The following LRRTM4 variants were observed in gnomAD, a reference collection of about 807,000 sequenced individuals.
The protein encoded by LRRTM4 is leucine-rich repeat transmembrane neuronal protein 4.
In LRRTM4, 25 loss-of-function variants were observed where a neutral mutation model predicts 47.6. The observed-to-expected ratio is 0.53, with a 90% CI of 0.38 to 0.73. The LOEUF (loss-of-function observed/expected upper bound fraction) is 0.73, where lower values mean the gene tolerates loss of function less well. Among genes scored for constraint, LRRTM4 ranks in the 30% least tolerant of loss-of-function variants. LRRTM4 has a pLI of 0.00. For missense variants in LRRTM4, 638 were observed against 713.4 expected (o/e 0.89, Z 1.20); for synonymous variants, 311 against 269.5 (o/e 1.15, Z -1.51).
At chr2:77,149,075 T>A (rs1447524651) in intron 3 of LRRTM4, among the ~76,000 whole-genome samples, 1 of 152,130 alleles carries the variant, frequency 6.6e-6, no homozygotes, top group African/African-American at 2.4e-5. Flanking sequence ...ATGCCAAGAA[T>A]CAAGACCTGT....
In LRRTM4 at chr2:77,360,058, T is replaced by G. The variant is rs116710910; in HGVS notation, c.1551+158260A>C. Among the ~76,000 whole-genome samples the G allele has an allele frequency of 5.0e-3, 762 of 152,292 alleles. 7 individuals are homozygous for G. Among genetic ancestry groups the G allele is most frequent in the African/African-American group, 0.017 (693 of 41,562 alleles). On this transcript the variant is annotated intron_variant, in intron 3 of 3. Coordinates refer to ENST00000409884, the MANE Select transcript of LRRTM4 (RefSeq NM_001134745.3). ...TATTTGAGCAAGAGAAATCTTATGTTTTTTAGATAAGTATATGATAACTCA... is the reference window on the plus strand; with the variant it reads ...TATTTGAGCAAGAGAAATCTTATGTGTTTTAGATAAGTATATGATAACTCA...
chr2:76,989,078 T>A (rs564449834), intron 3 of LRRTM4, among the ~76,000 whole-genome samples: 1 of 151,932 alleles, frequency 6.6e-6, no homozygotes, highest in African/African-American at 2.4e-5. Context: ...CTCAAATAGT[T>A]ATTTTAGGCA....
At chr2:77,155,842 G>T (rs1223364390) in intron 3 of LRRTM4, among the ~76,000 whole-genome samples, 2 of 152,024 alleles carry the variant, frequency 1.3e-5, no homozygotes, top group East Asian at 3.9e-4. Context: ...AGTGACTATG[G>T]TTAACAGTAA....
intron 3 of LRRTM4, among the ~76,000 whole-genome samples, chr2:77,099,655 A>G (rs1670900335): frequency 6.6e-6 from 1 of 151,712 alleles, no homozygotes; most frequent in Admixed American, 6.6e-5. Flanking sequence ...TGGATGAGAA[A>G]CAATTTATAC....
At chr2:77,410,341 T>C (rs907360783) in intron 3 of LRRTM4, among the ~76,000 whole-genome samples, 2 of 152,162 alleles carry the variant, frequency 1.3e-5, no homozygotes, top group Non-Finnish European at 2.9e-5. Context: ...TTAAGGTCTA[T>C]TTTAAAGACC....
intron 3 of LRRTM4, among the ~76,000 whole-genome samples, chr2:77,509,161 G>A (rs1010789302): frequency 6.6e-6 from 1 of 151,364 alleles, no homozygotes; most frequent in Admixed American, 6.6e-5. Context: ...GAACCCGGGA[G>A]GTGGAGGTTG....
At chr2:77,289,010 T>G (rs56776892) in intron 3 of LRRTM4, among the ~76,000 whole-genome samples, 1,599 of 152,224 alleles carry the variant, frequency 0.011, 48 homozygotes, top group East Asian at 0.099. Flanking sequence ...TGAAAAAGAA[T>G]AGTTGTTTGC....
At chr2:76,758,079 A>G (rs766627175) in intron 3 of LRRTM4, among the ~76,000 whole-genome samples, 1 of 152,092 alleles carries the variant, frequency 6.6e-6, no homozygotes, top group Admixed American at 6.6e-5. Flanking sequence ...GTAGTCTTCA[A>G]TTTGGATCTA....
chr2:77,072,621 A>T (rs1219991837), intron 3 of LRRTM4, among the ~76,000 whole-genome samples: 1 of 151,858 alleles, frequency 6.6e-6, no homozygotes, highest in African/African-American at 2.4e-5. Context: ...AACATGACGA[A>T]ATCCCGTCTG....
At chr2:76,982,225 GA>G (rs1446837741) in intron 3 of LRRTM4, among the ~76,000 whole-genome samples, 4 of 151,874 alleles carry the variant, frequency 2.6e-5, no homozygotes, top group Non-Finnish European at 4.4e-5. Context: ...TCTTGCATTT[GA>G]ATACAGAAAA....
intron 3 of LRRTM4, among the ~76,000 whole-genome samples, chr2:77,274,389 A>C (rs1676285152): frequency 6.6e-6 from 1 of 152,174 alleles, no homozygotes; most frequent in African/African-American, 2.4e-5. Context: ...GATACAATAA[A>C]GGTCATGGTG....
At chr2:77,105,445 T>C (rs1486105726) in intron 3 of LRRTM4, among the ~76,000 whole-genome samples, 2 of 130,512 alleles carry the variant, frequency 1.5e-5, no homozygotes, top group African/African-American at 5.9e-5. Context: ...CATAGGTAGG[T>C]GGGAATTGAA....
At chr2:77,027,106 C>T (rs1288722928) in intron 3 of LRRTM4, among the ~76,000 whole-genome samples, 1 of 152,066 alleles carries the variant, frequency 6.6e-6, no homozygotes, top group Admixed American at 6.6e-5. Flanking sequence ...TCCCCAATGC[C>T]CCTCTTTCCT....
chr2:77,270,824 C>T (rs1038486508), intron 3 of LRRTM4, among the ~76,000 whole-genome samples: 9 of 152,198 alleles, frequency 5.9e-5, no homozygotes, highest in Non-Finnish European at 1.2e-4. Context: ...TGGTGGGTCA[C>T]CACCCTTCAC....
At chr2:77,239,873 T>A (rs1462174680) in intron 3 of LRRTM4, among the ~76,000 whole-genome samples, 2 of 151,918 alleles carry the variant, frequency 1.3e-5, no homozygotes, top group East Asian at 1.9e-4. Flanking sequence ...ATCAGTATAA[T>A]CATGGAAGCC....
At chr2:76,982,490 A>T (rs1573400864) in intron 3 of LRRTM4, among the ~76,000 whole-genome samples, 2 of 152,070 alleles carry the variant, frequency 1.3e-5, no homozygotes, top group African/African-American at 4.8e-5. Context: ...ATAAATTTTC[A>T]TAATTCTTTG....
At chr2:77,167,086 CA>C (rs1324673477) in intron 3 of LRRTM4, among the ~76,000 whole-genome samples, 2 of 151,910 alleles carry the variant, frequency 1.3e-5, no homozygotes, top group Non-Finnish European at 2.9e-5. Flanking sequence ...CCAGAACCTA[CA>C]AAAAACTTAA....
At chr2:77,290,329 A>C (rs1448062124) in intron 3 of LRRTM4, among the ~76,000 whole-genome samples, 1 of 149,590 alleles carries the variant, frequency 6.7e-6, no homozygotes, top group African/African-American at 2.5e-5. Flanking sequence ...TGTTCTCACT[A>C]ATATGTGGGA....
chr2:77,053,665 T>C (rs909957043), intron 3 of LRRTM4, among the ~76,000 whole-genome samples: 3 of 152,142 alleles, frequency 2.0e-5, no homozygotes, highest in Non-Finnish European at 4.4e-5. Flanking sequence ...AGTCCCCTTT[T>C]ATCTGCTAGA....
Sources: allele counts gnomAD v4.1 joint callset (sites outside exome capture counted in the v4.1 genomes callset), GRCh38; gene constraint gnomAD v4.1.1; transcripts MANE v1.5; gene names NCBI Gene and HGNC (gene_info 2026-07-23, HGNC 2026-07-21).